The following TPD52L2 variants were observed in gnomAD, a reference collection of about 807,000 sequenced individuals.
TPD52L2 encodes TPD52 like 2.
TPD52L2 carries 19 observed loss-of-function variants against 24.7 expected under a neutral mutation model. The ratio of observed to expected loss-of-function variants is 0.77; its 90% CI spans 0.54 to 1.13. TPD52L2 has a LOEUF of 1.13. Ranked by LOEUF, TPD52L2 falls within the 50% of genes most tolerant of loss-of-function variation. The pLI is 0.00. For missense variants in TPD52L2, 236 were observed against 250.4 expected, an observed-to-expected ratio of 0.94 and a Z score of 0.39; for synonymous variants, 104 against 100.2, an observed-to-expected ratio of 1.04 and a Z score of -0.23.
Position 63,886,547 on chromosome 20 carries a change from G to C in TPD52L2, c.477-2643G>C, listed in dbSNP as rs569851076. ...CGGCTAATTTTTTGTATTTTTAGTA[G>C]AGACGGGGTTTCACCGTGGTCTCGA... On this transcript the variant is annotated intron_variant, in intron 5 of 6. Coordinates refer to ENST00000346249, the MANE Select transcript of TPD52L2 (RefSeq NM_003288.4). Among the ~76,000 whole-genome samples the C allele has an allele frequency of 1.9e-3, 287 of 152,114 alleles. 1 individual carries two copies. Among genetic ancestry groups the C allele is most frequent in the Admixed American group, 2.0e-3 (31 of 15,282 alleles).
chr20:63,867,435 G>A (rs2052294303), intron 1 of TPD52L2, among the ~76,000 whole-genome samples: 1 of 152,130 alleles, frequency 6.6e-6, no homozygotes, highest in Admixed American at 6.5e-5. Context: ...GCATGGTGGT[G>A]TGCTCCTGTA....
chr20:63,884,579 C>T (rs981647495), intron 5 of TPD52L2, among the ~76,000 whole-genome samples: 8 of 152,228 alleles, frequency 5.3e-5, no homozygotes, highest in East Asian at 3.8e-4. Flanking sequence ...CACAGGGACA[C>T]GGTCCTGGTT....
chr20:63,885,390 C>T (rs1056138748), intron 5 of TPD52L2, among the ~76,000 whole-genome samples: 1 of 152,260 alleles, frequency 6.6e-6, no homozygotes, highest in Non-Finnish European at 1.5e-5. Context: ...CTCAGTTCTT[C>T]AGTGGCTCCC....
chr20:63,882,612 C>A, intron 4 of TPD52L2, 107 bp from the exon 5 acceptor site: 1 of 890,088 alleles, frequency 1.1e-6, no homozygotes. Context: ...CTTGGCCCAG[C>A]TCCTTTCCTC....
At chr20:63,885,011 C>T (rs1410076066) in intron 5 of TPD52L2, among the ~76,000 whole-genome samples, 1 of 152,220 alleles carries the variant, frequency 6.6e-6, no homozygotes, top group South Asian at 2.1e-4. Flanking sequence ...TTTCTGAGGT[C>T]TGGGCCCATT....
chr20:63,887,430 G>GGGGC, intron 5 of TPD52L2: 6 of 989,272 alleles, frequency 6.1e-6, no homozygotes, highest in Non-Finnish European at 9.7e-6. Context: ...ATTGTGTGGA[G>GGGGC]GGGCAGGCAG....
chr20:63,886,413 T>G (rs1409512974), intron 5 of TPD52L2, among the ~76,000 whole-genome samples: 3 of 151,006 alleles, frequency 2.0e-5, no homozygotes, highest in Non-Finnish European at 2.9e-5. Context: ...CAGGTTGGAG[T>G]GCCGTGGCGC....
At chr20:63,889,740 G>A (rs2053263580) in intron 6 of TPD52L2, 110 bp from the exon 7 acceptor site, 4 of 1,029,108 alleles carry the variant, frequency 3.9e-6, no homozygotes, top group African/African-American at 1.6e-5. Flanking sequence ...CTGCTGAGCA[G>A]TGTTCGTGTT....
At chr20:63,871,385 T>G (rs1600790499) in intron 2 of TPD52L2, among the ~76,000 whole-genome samples, 1 of 151,538 alleles carries the variant, frequency 6.6e-6, no homozygotes, top group Admixed American at 6.6e-5. Context: ...AGTCTCACTC[T>G]GTCGCCCAGG....
At chr20:63,876,934 G>A (rs1433633472) in intron 4 of TPD52L2, 5 of 454,606 alleles carry the variant, frequency 1.1e-5, no homozygotes, top group Non-Finnish European at 1.8e-5. Flanking sequence ...GGACCCGGGC[G>A]GTTTGTGGGC....
At chr20:63,889,389 C>A in intron 6 of TPD52L2, 151 bp downstream of exon 6, 1 of 762,908 alleles carries the variant, frequency 1.3e-6, no homozygotes, top group Non-Finnish European at 2.3e-6. Flanking sequence ...CAGTTCTCTC[C>A]TGTGACGACA....
chr20:63,886,386 AG>A (rs1000332900), intron 5 of TPD52L2, among the ~76,000 whole-genome samples: 9 of 148,092 alleles, frequency 6.1e-5, no homozygotes, highest in Non-Finnish European at 1.2e-4. Context: ...TTTTAGACGG[AG>A]TCTTGCTCTG....
Position 63,870,584 on chromosome 20 carries a change from C to T in TPD52L2, c.165+1143C>T, listed in dbSNP as rs112715649. Among the ~76,000 whole-genome samples the T allele has an allele frequency of 8.5e-3, 1,023 of 120,762 alleles. 19 individuals are homozygous for T. The highest frequency in any genetic ancestry group is 0.032 in the African/African-American group (973 of 30,838). The allele number at this position is 120,762 out of a possible 152,430, so 79.2% of individuals were successfully genotyped here. ...TGCCGCCCAGGCTGGAGTGCAGTGG[C>T]GCAATCTCGGCTCACTGCAACCTCC... is the stretch of plus-strand genomic sequence containing the variant. On this transcript the variant is annotated intron_variant, in intron 2 of 6. Coordinates refer to ENST00000346249, the MANE Select transcript of TPD52L2 (RefSeq NM_003288.4).
intron 2 of TPD52L2, among the ~76,000 whole-genome samples, chr20:63,871,741 C>A (rs1470688153): frequency 1.3e-5 from 2 of 151,156 alleles, no homozygotes; most frequent in Non-Finnish European, 2.9e-5. Flanking sequence ...TCAAGTGATT[C>A]TCCTGTCTCA....
intron 1 of TPD52L2, among the ~76,000 whole-genome samples, chr20:63,868,098 A>G (rs2052327969): frequency 6.6e-6 from 1 of 152,064 alleles, no homozygotes. Flanking sequence ...TTTTTAGTAG[A>G]GACGGGGTTT....
chr20:63,888,720 C>T (rs2053221961), intron 5 of TPD52L2: 1 of 168,836 alleles, frequency 5.9e-6, no homozygotes, highest in African/African-American at 2.4e-5. Context: ...GTACGAGAGC[C>T]CGGGGTATCC....
Position 63,875,872 on chromosome 20 carries a change from AC to A in TPD52L2, c.373del (p.Leu125SerfsTer34). The A allele has an allele frequency of 5.0e-6, 8 of 1,614,156 alleles. No homozygotes were observed. Among genetic ancestry groups the A allele is most frequent in the Non-Finnish European group, 6.8e-6 (8 of 1,180,008 alleles). On this transcript the variant is annotated frameshift_variant and splice_region_variant, in exon 4 of 7. Transcript: ENST00000346249. LOFTEE classifies it high-confidence loss of function. ...GEWNEKVTQS[D>X]LYKKTQETLS... ...TGGAATGAGAAAGTGACCCAGTCAG[AC>A]CTGTGAGTGCCTGTATCATCAGCAC... is the stretch of plus-strand genomic sequence containing the variant.
intron 4 of TPD52L2, among the ~76,000 whole-genome samples, chr20:63,881,822 T>A (rs1190396187): frequency 2.6e-5 from 4 of 152,252 alleles, no homozygotes; most frequent in South Asian, 4.2e-4. Context: ...GAGTCTGCTG[T>A]GTTTTGTGTT....
chr20:63,869,901 G>T (rs745697259), intron 2 of TPD52L2, among the ~76,000 whole-genome samples: 1 of 152,218 alleles, frequency 6.6e-6, no homozygotes, highest in Non-Finnish European at 1.5e-5. Context: ...AGGGTGGTAA[G>T]GTGGGAAGAT....
Sources: gnomAD v4.1 joint callset for allele counts (sites outside exome capture counted in the v4.1 genomes callset) on GRCh38, gnomAD v4.1.1 for gene constraint, MANE v1.5 for transcripts, NCBI Gene and HGNC (gene_info 2026-07-23, HGNC 2026-07-21) for gene names.